DCC: variants seen among roughly 807,000 people sequenced by gnomAD.
The protein encoded by DCC is netrin receptor DCC.
A neutral mutation model predicts 172.5 loss-of-function variants in DCC; 58 were observed. The ratio of observed to expected loss-of-function variants is 0.34; its 90% CI spans 0.27 to 0.42. DCC has a LOEUF of 0.42. Ranked by LOEUF, DCC falls within the 10% of genes least tolerant of loss-of-function variation. The probability of loss-of-function intolerance (pLI) is 1.00; values close to 1 mark genes in which losing one functional copy is unlikely to be tolerated. For missense variants in DCC, 1,740 were observed against 1,791.0 expected, an observed-to-expected ratio of 0.97 and a Z score of 0.51; for synonymous variants, 709 against 644.5, an observed-to-expected ratio of 1.10 and a Z score of -1.52.
At chr18:52,774,341 G>A (rs542679827) in intron 2 of DCC, among the ~76,000 whole-genome samples, 1 of 152,280 alleles carries the variant, frequency 6.6e-6, no homozygotes, top group Non-Finnish European at 1.5e-5. Context: ...CCGGCTGAAT[G>A]TTGAAGACGC....
chr18:52,927,511 C>T (rs2040237401), intron 5 of DCC, among the ~76,000 whole-genome samples: 3 of 151,906 alleles, frequency 2.0e-5, no homozygotes, highest in Non-Finnish European at 2.9e-5. Flanking sequence ...TGCACATATG[C>T]CCACATAAAG....
At chr18:53,304,974 G>T (rs1052939552) in intron 12 of DCC, among the ~76,000 whole-genome samples, 1 of 152,072 alleles carries the variant, frequency 6.6e-6, no homozygotes, top group Non-Finnish European at 1.5e-5. Context: ...TCTTTCCTGT[G>T]CTGTTCTCAT....
At chr18:53,198,920 A>G (rs1449383876) in intron 9 of DCC, among the ~76,000 whole-genome samples, 2 of 152,170 alleles carry the variant, frequency 1.3e-5, no homozygotes, top group African/African-American at 4.8e-5. Flanking sequence ...AACTGAGGGG[A>G]TCAGTGAGGA....
At chr18:52,430,052 G>A (rs915574425) in intron 1 of DCC, among the ~76,000 whole-genome samples, 1 of 152,092 alleles carries the variant, frequency 6.6e-6, no homozygotes, top group Non-Finnish European at 1.5e-5. Context: ...TAAAGTATAT[G>A]CAAAATATTT....
chr18:52,616,184 G>C (rs1303597923), intron 1 of DCC, among the ~76,000 whole-genome samples: 1 of 152,096 alleles, frequency 6.6e-6, no homozygotes, highest in Non-Finnish European at 1.5e-5. Flanking sequence ...TTCTGTTTCA[G>C]AATTCGAACT....
intron 12 of DCC, among the ~76,000 whole-genome samples, chr18:53,270,163 T>A (rs934477846): frequency 6.6e-6 from 1 of 152,150 alleles, no homozygotes; most frequent in Non-Finnish European, 1.5e-5. Context: ...TCTGAGTTTT[T>A]ATTTTTCCAT....
chr18:52,865,308 A>T (rs2039206398), intron 2 of DCC, among the ~76,000 whole-genome samples: 1 of 152,126 alleles, frequency 6.6e-6, no homozygotes, highest in Middle Eastern at 3.2e-3. Context: ...ATACCTGTGC[A>T]TGTGTCTTTA....
At chr18:53,181,814 G>T (rs1031362299) in intron 9 of DCC, among the ~76,000 whole-genome samples, 17 of 152,098 alleles carry the variant, frequency 1.1e-4, no homozygotes, top group African/African-American at 4.1e-4. Context: ...ACTCGAGTAG[G>T]GGAACTTATA....
chr18:53,057,079 T>TAAAAA (rs11316527), intron 5 of DCC, among the ~76,000 whole-genome samples: 1,521 of 88,736 alleles, frequency 0.017, no homozygotes, highest in African/African-American at 0.023. Flanking sequence ...CTTCTAAAAG[T>TAAAAA]AAAAAAAAAA....
intron 5 of DCC, among the ~76,000 whole-genome samples, chr18:53,039,108 A>G (rs1241705105): frequency 1.3e-5 from 2 of 152,132 alleles, no homozygotes; most frequent in East Asian, 1.9e-4. Flanking sequence ...GCTGCTGGAT[A>G]GATTTATTAC....
chr18:53,170,410 T>C (rs896974672), intron 8 of DCC, among the ~76,000 whole-genome samples: 1 of 152,230 alleles, frequency 6.6e-6, no homozygotes, highest in Admixed American at 6.5e-5. Context: ...ATTAATATGA[T>C]AGAAAATATC....
chr18:53,343,815 T>G (rs1048401094), intron 15 of DCC, among the ~76,000 whole-genome samples: 19 of 152,064 alleles, frequency 1.2e-4, no homozygotes, highest in African/African-American at 4.1e-4. Context: ...GCTTTGATAA[T>G]AGATTTAATT....
At chr18:53,333,053 G>A (rs550932402) in intron 14 of DCC, among the ~76,000 whole-genome samples, 3 of 142,950 alleles carry the variant, frequency 2.1e-5, no homozygotes, top group Admixed American at 1.5e-4. Context: ...CTGGGTGACA[G>A]AGTGAGAACC....
chr18:52,975,717 C>T lies in DCC; in HGVS notation c.985+50347C>T, dbSNP rs187086137. Among the ~76,000 whole-genome samples, 272 of 152,234 alleles carry T rather than the reference C, an allele frequency of 1.8e-3. 1 individual carries two copies. Among genetic ancestry groups the T allele is most frequent in the African/African-American group, 6.1e-3 (254 of 41,532 alleles). On this transcript the variant is annotated intron_variant, in intron 5 of 28. Coordinates refer to ENST00000442544, the MANE Select transcript of DCC (RefSeq NM_005215.4). ...ATTCATTTATGGCTGCATAGTATTC[C>T]GTGGTATATATGTACCACATGTTCT...
At chr18:53,172,915 A>T (rs2055034871) in intron 8 of DCC, among the ~76,000 whole-genome samples, 1 of 152,174 alleles carries the variant, frequency 6.6e-6, no homozygotes, top group South Asian at 2.1e-4. Context: ...GCCTTTGAAT[A>T]AATCATGTTG....
chr18:53,486,143 G>C (rs1037452202), intron 25 of DCC, among the ~76,000 whole-genome samples: 2 of 152,038 alleles, frequency 1.3e-5, no homozygotes, highest in African/African-American at 4.8e-5. Context: ...TCTAAACCTA[G>C]AAGATATTTT....
In DCC at chr18:53,535,522, A is replaced by C. The variant is rs972310260; in HGVS notation, c.*4869A>C. 4 of 152,232 alleles carry C rather than the reference A, an allele frequency of 2.6e-5. No homozygotes were observed. The highest frequency in any genetic ancestry group is 1.3e-4 in the Admixed American group (2 of 15,282). 9.4% of individuals were successfully genotyped at this position (152,232 alleles called of 1,614,324 possible). A position where few individuals can be genotyped will look rare whatever the true frequency, so the allele number is the denominator to read the frequency against. ...ACAGATTGTTAGTGTGCTAGTGATA[A>C]GTTTATTTGGTAGAAATGGGTATAC... On this transcript the variant is annotated 3_prime_UTR_variant, in exon 29 of 29. Transcript: ENST00000442544.
At chr18:53,277,380 T>C (rs59186653) in intron 12 of DCC, among the ~76,000 whole-genome samples, 15,964 of 152,122 alleles carry the variant, frequency 0.1, 2,499 homozygotes, top group African/African-American at 0.34. Flanking sequence ...ATCCTTATTA[T>C]TCTGCACACT....
chr18:53,129,318 C>T (rs1173977101), intron 7 of DCC, among the ~76,000 whole-genome samples: 3 of 151,980 alleles, frequency 2.0e-5, no homozygotes, highest in Admixed American at 2.0e-4. Context: ...TTTTCATTTT[C>T]ATTTGAGGCA....
Sources: gnomAD v4.1 joint callset for allele counts (sites outside exome capture counted in the v4.1 genomes callset) on GRCh38, gnomAD v4.1.1 for gene constraint, MANE v1.5 for transcripts, NCBI Gene and HGNC (gene_info 2026-07-23, HGNC 2026-07-21) for gene names.